The following CACNA2D1 variants were observed in gnomAD, a reference collection of about 807,000 sequenced individuals.
CACNA2D1 encodes the protein calcium voltage-gated channel auxiliary subunit alpha2delta 1, also known as voltage-dependent calcium channel subunit alpha-2/delta-1.
A neutral mutation model predicts 171.5 loss-of-function variants in CACNA2D1; 53 were observed. The ratio of observed to expected loss-of-function variants is 0.31; its 90% CI spans 0.25 to 0.39. The LOEUF is 0.39. CACNA2D1 is among the 10% of genes least tolerant of loss of function. The pLI is 1.00. For missense variants in CACNA2D1, 903 were observed against 1,299.8 expected, an observed-to-expected ratio of 0.69 and a Z score of 4.69; for synonymous variants, 442 against 443.1, an observed-to-expected ratio of 1.00 and a Z score of 0.03.
chr7:82,380,800 T>C (rs1201803170), intron 1 of CACNA2D1, among the ~76,000 whole-genome samples: 1 of 151,898 alleles, frequency 6.6e-6, no homozygotes, highest in East Asian at 2.0e-4. Context: ...GTTCAAGCGA[T>C]TTTCATGCCT....
intron 3 of CACNA2D1, among the ~76,000 whole-genome samples, chr7:82,334,633 A>G (rs1035316382): frequency 1.3e-5 from 2 of 152,184 alleles, no homozygotes; most frequent in Non-Finnish European, 2.9e-5. Context: ...AAACTAAAGA[A>G]TAACTTGTTT....
intron 3 of CACNA2D1, among the ~76,000 whole-genome samples, chr7:82,292,935 T>TAC (rs887245214): frequency 2.6e-5 from 4 of 151,956 alleles, no homozygotes; most frequent in African/African-American, 4.8e-5. Context: ...TACAAATATA[T>TAC]ACACACACAC....
At chr7:82,055,529 A>T (rs1022300110) in intron 10 of CACNA2D1, among the ~76,000 whole-genome samples, 1 of 151,884 alleles carries the variant, frequency 6.6e-6, no homozygotes, top group Non-Finnish European at 1.5e-5. Flanking sequence ...TCCAACAATG[A>T]TAGACTGGAT....
chr7:81,982,216 G>A (rs529372561), intron 24 of CACNA2D1, among the ~76,000 whole-genome samples: 38 of 151,762 alleles, frequency 2.5e-4, no homozygotes, highest in African/African-American at 8.5e-4. Flanking sequence ...TGCAACCTCC[G>A]CCTCCTGGGT....
intron 7 of CACNA2D1, among the ~76,000 whole-genome samples, chr7:82,084,282 T>C (rs1810178641): frequency 6.6e-6 from 1 of 152,190 alleles, no homozygotes; most frequent in South Asian, 2.1e-4. Flanking sequence ...ACCTGACACA[T>C]AAGAAAAACT....
At chr7:82,036,537 AGGAG>A (rs1436714470) in intron 11 of CACNA2D1, among the ~76,000 whole-genome samples, 1 of 152,106 alleles carries the variant, frequency 6.6e-6, no homozygotes, top group African/African-American at 2.4e-5. Flanking sequence ...ACCTCCTTTG[AGGAG>A]CTGGGCCCAT....
intron 12 of CACNA2D1, chr7:82,023,924 G>T (rs1330277001): frequency 1.3e-5 from 2 of 151,636 alleles, no homozygotes; most frequent in African/African-American, 4.8e-5. Context: ...AATATTTTTT[G>T]ATTGGTTTAT....
chr7:82,117,400 T>G (rs1306637994), intron 5 of CACNA2D1, among the ~76,000 whole-genome samples: 4 of 152,178 alleles, frequency 2.6e-5, no homozygotes, highest in Non-Finnish European at 4.4e-5. Flanking sequence ...ACTCTCCTGA[T>G]TTCCTCAATG....
intron 1 of CACNA2D1, among the ~76,000 whole-genome samples, chr7:82,441,583 A>T (rs1830506947): frequency 6.6e-6 from 1 of 152,164 alleles, no homozygotes; most frequent in East Asian, 1.9e-4. Context: ...ATTATTGCAG[A>T]TGTTCTTCTT....
In CACNA2D1 at chr7:81,954,855, T is replaced by C. The variant is rs553777718; in HGVS notation, c.3160-4347A>G. On this transcript the variant is annotated intron_variant, in intron 38 of 38. Coordinates refer to ENST00000356860, the MANE Select transcript of CACNA2D1 (RefSeq NM_000722.4). ...ATTTAAAAATTTTTAGGCATGTAGATACTGCATAATAATAGGAATAATGCC... is the reference window on the plus strand; with the variant it reads ...ATTTAAAAATTTTTAGGCATGTAGACACTGCATAATAATAGGAATAATGCC... Among the ~76,000 whole-genome samples, 3 of 152,280 alleles carry C rather than the reference T, an allele frequency of 2.0e-5. No homozygotes were observed. In the East Asian group the frequency reaches 5.8e-4, roughly 29 times the overall value.
At chr7:82,151,849 G>A (rs1270702318) in intron 4 of CACNA2D1, among the ~76,000 whole-genome samples, 1 of 152,028 alleles carries the variant, frequency 6.6e-6, no homozygotes, top group African/African-American at 2.4e-5. Flanking sequence ...CAATTTCAAA[G>A]TTAATATCCA....
chr7:82,317,779 G>C (rs1478715280), intron 3 of CACNA2D1, among the ~76,000 whole-genome samples: 1 of 151,918 alleles, frequency 6.6e-6, no homozygotes, highest in East Asian at 1.9e-4. Flanking sequence ...ATTAAAGAAA[G>C]AGCAATCTCC....
intron 38 of CACNA2D1, among the ~76,000 whole-genome samples, chr7:81,952,642 C>G (rs1035727271): frequency 1.3e-5 from 2 of 152,052 alleles, no homozygotes; most frequent in African/African-American, 4.8e-5. Flanking sequence ...GTTTGTGTCT[C>G]TCTCCTTGGC....
chr7:81,950,171 A>T lies in CACNA2D1; in HGVS notation c.*221T>A, dbSNP rs1382170482. 4.1e-6 allele frequency: 3 copies of T among 724,140 alleles called. No homozygotes were observed. The highest frequency in any genetic ancestry group is 5.5e-5 in the East Asian group (2 of 36,116). 44.9% of individuals were successfully genotyped at this position (724,140 alleles called of 1,614,324 possible). On this transcript the variant is annotated 3_prime_UTR_variant, in exon 39 of 39. Transcript: ENST00000356860. Reference sequence around the variant, plus strand: ...ACGTATAGGATTTTGCTTTGATGTTACACATAGATGATGCAGCATTCACAC... The same window carrying T: ...ACGTATAGGATTTTGCTTTGATGTTTCACATAGATGATGCAGCATTCACAC...
chr7:82,157,456 C>T (rs759070073), intron 4 of CACNA2D1, among the ~76,000 whole-genome samples: 1 of 151,998 alleles, frequency 6.6e-6, no homozygotes, highest in Non-Finnish European at 1.5e-5. Context: ...CAAATAAAGA[C>T]TTGTGAGACA....
intron 10 of CACNA2D1, chr7:82,050,969 C>G (rs1805130933): frequency 7.4e-6 from 2 of 269,606 alleles, no homozygotes; most frequent in Admixed American, 9.1e-5. Context: ...ATCTAAGAGA[C>G]AGGGTTGCCT....
chr7:81,964,480 T>C (rs1794492891), intron 32 of CACNA2D1, 121 bp from the exon 33 acceptor site: 2 of 756,306 alleles, frequency 2.6e-6, no homozygotes, highest in Non-Finnish European at 4.3e-6. Context: ...ACTGAGGAGC[T>C]TAAAAACAAA....
chr7:82,265,829 G>A (rs974649261), intron 3 of CACNA2D1, among the ~76,000 whole-genome samples: 3 of 151,900 alleles, frequency 2.0e-5, no homozygotes, highest in South Asian at 2.1e-4. Flanking sequence ...CTTATCCAGG[G>A]TTTAATTTGG....
intron 4 of CACNA2D1, among the ~76,000 whole-genome samples, chr7:82,156,226 T>C (rs549404650): frequency 6.6e-6 from 1 of 152,282 alleles, no homozygotes; most frequent in Non-Finnish European, 1.5e-5. Flanking sequence ...ATTCAGAAAA[T>C]CTTGCTTTTA....
Sources: allele counts gnomAD v4.1 joint callset (sites outside exome capture counted in the v4.1 genomes callset), GRCh38; gene constraint gnomAD v4.1.1; transcripts MANE v1.5; gene names NCBI Gene and HGNC (gene_info 2026-07-23, HGNC 2026-07-21).